The following MYRFL variants were observed in gnomAD, a reference collection of about 807,000 sequenced individuals.
MYRFL encodes myelin regulatory factor like.
MYRFL carries 88 observed loss-of-function variants against 109.4 expected under a neutral mutation model. That is an observed-to-expected ratio of 0.80 (90% CI 0.68 to 0.96). The LOEUF (loss-of-function observed/expected upper bound fraction) is 0.96. Ranked by LOEUF, MYRFL falls within the 40% of genes least tolerant of loss-of-function variation. The probability of loss-of-function intolerance (pLI) is 0.00; values close to 1 mark genes in which losing one functional copy is unlikely to be tolerated. For synonymous variants in MYRFL, 324 were observed against 320.9 expected, an observed-to-expected ratio of 1.01 and a Z score of -0.10; for missense variants, 957 against 954.9, an observed-to-expected ratio of 1.00 and a Z score of -0.03.
intron 6 of MYRFL, among the ~76,000 whole-genome samples, chr12:69,888,833 T>C (rs1268689970): frequency 1.3e-5 from 2 of 152,202 alleles, no homozygotes; most frequent in East Asian, 3.8e-4. Context: ...ATGAACAAAT[T>C]AGCAGATTAA....
intron 11 of MYRFL, chr12:69,904,123 A>G: frequency 2.9e-6 from 1 of 340,446 alleles, no homozygotes; most frequent in Non-Finnish European, 5.4e-6. Context: ...TATTTTCCAC[A>G]GGCCATTGCC....
Position 69,936,108 on chromosome 12 carries a change from G to GGTTTTA in MYRFL, c.1917-5_1917-4insGTTTTA. On this transcript the variant is annotated splice_region_variant and splice_polypyrimidine_tract_variant and intron_variant, in intron 16 of 24. Coordinates refer to ENST00000552032, the MANE Select transcript of MYRFL (RefSeq NM_182530.3). Reference sequence around the variant, plus strand: ...TTTTTTTTTTTTTTTTTTTTTTTTTGACAGTGCTTTGACGATAGTTGCCCT... The same window carrying GGTTTTA: ...TTTTTTTTTTTTTTTTTTTTTTTTTGGTTTTAACAGTGCTTTGACGATAGTTGCCCT... 3.5e-6 allele frequency: 1 copy of GGTTTTA among 286,340 alleles called. No individual in the cohort carries two copies. Among genetic ancestry groups the GGTTTTA allele is most frequent in the Non-Finnish European group, 4.8e-6 (1 of 210,502 alleles). 17.7% of individuals were successfully genotyped at this position (286,340 alleles called of 1,614,324 possible).
At chr12:69,947,391 C>A (rs1565649493) in intron 19 of MYRFL, among the ~76,000 whole-genome samples, 1 of 152,050 alleles carries the variant, frequency 6.6e-6, no homozygotes, top group Non-Finnish European at 1.5e-5. Context: ...CAAAGTTGAT[C>A]ATATCTGTGT....
At chr12:69,910,402 G>A (rs755761261) in intron 12 of MYRFL, among the ~76,000 whole-genome samples, 7 of 152,048 alleles carry the variant, frequency 4.6e-5, no homozygotes, top group Admixed American at 1.3e-4. Context: ...TTGGGCAGTC[G>A]GGAGGTGGAG....
At chr12:69,856,508 G>T (rs991127571) in intron 2 of MYRFL, among the ~76,000 whole-genome samples, 1 of 152,038 alleles carries the variant, frequency 6.6e-6, no homozygotes, top group African/African-American at 2.4e-5. Context: ...ACTTTGTGTT[G>T]TTAGCAATGC....
intron 1 of MYRFL, among the ~76,000 whole-genome samples, chr12:69,833,033 G>C (rs984835390): frequency 6.6e-5 from 10 of 151,152 alleles, no homozygotes; most frequent in Non-Finnish European, 1.5e-4. Context: ...ATCTCTTTTA[G>C]ACAACCAAGT....
rs60069243 is a variant in MYRFL, at chr12:69,878,242, C to CAAAAAAAAAAAAAAAA, written c.138-783_138-768dup. On this transcript the variant is annotated intron_variant, in intron 2 of 24. Coordinates refer to ENST00000552032, the MANE Select transcript of MYRFL (RefSeq NM_182530.3). ...TGGGTAACAGAGCAAGACTCCATCT[C>CAAAAAAAAAAAAAAAA]AAAAAAAAAAAAAAAAAATTACTTG... is the stretch of plus-strand genomic sequence containing the variant. 1.4e-3 allele frequency among the ~76,000 whole-genome samples: 154 copies of CAAAAAAAAAAAAAAAA among 112,654 alleles called. 5 individuals carry two copies. The East Asian group carries it at 0.015, about 11-fold the overall frequency. The allele number at this position is 112,654 out of a possible 152,430, so 73.9% of individuals were successfully genotyped here.
At chr12:69,872,010 T>A (rs1195830841) in intron 2 of MYRFL, among the ~76,000 whole-genome samples, 1 of 152,270 alleles carries the variant, frequency 6.6e-6, no homozygotes, top group Non-Finnish European at 1.5e-5. Context: ...TATGTGATTG[T>A]ACAATTGTCT....
chr12:69,891,594 T>TTTCTTTCTTTCTTTCTTTCTTTC (rs60178647), intron 7 of MYRFL, among the ~76,000 whole-genome samples: 3 of 137,080 alleles, frequency 2.2e-5, no homozygotes, highest in East Asian at 4.1e-4. Flanking sequence ...TCTTTCTTTC[T>TTTCTTTCTTTCTTTCTTTCTTTC]TTCTTTCTTT....
chr12:69,891,682 T>TTTCTTTCTTTCTTTCTTTCTTTCGTTCG lies in MYRFL; in HGVS notation c.903+519_903+520insTTTCTTTCTTTCTTTCTTTCGTTCGTTC, dbSNP rs1277296623. Among the ~76,000 whole-genome samples, 45 of 101,558 alleles carry TTTCTTTCTTTCTTTCTTTCTTTCGTTCG rather than the reference T, an allele frequency of 4.4e-4. No individual in the cohort carries two copies. The East Asian group carries it at 5.2e-3, about 12-fold the overall frequency. The allele number at this position is 101,558 out of a possible 152,430, so 66.6% of individuals were successfully genotyped here. A position where few individuals can be genotyped will look rare whatever the true frequency, so the allele number is the denominator to read the frequency against. ...CTTTCTTTCTTTCTTTCTTTCTTTCTTTCGTTCGTTCGTTCTTTCTTTCTT... is the reference window on the plus strand; with the variant it reads ...CTTTCTTTCTTTCTTTCTTTCTTTCTTTCTTTCTTTCTTTCTTTCTTTCGTTCGTTCGTTCGTTCGTTCTTTCTTTCTT... On this transcript the variant is annotated intron_variant, in intron 7 of 24. Transcript: ENST00000552032.
Position 69,949,667 on chromosome 12 carries a change from T to A in MYRFL, c.2225-2446T>A, listed in dbSNP as rs560413503. 1.3e-4 allele frequency among the ~76,000 whole-genome samples: 19 copies of A among 148,798 alleles called. 1 individual carries two copies. In the South Asian group the frequency reaches 3.6e-3, roughly 28 times the overall value. On this transcript the variant is annotated intron_variant, in intron 19 of 24. Transcript: ENST00000552032. ...TTTTTTTTGTAATTTTTTTTTTTTT[T>A]AGCCCTTCAGCTATCATTAGTGTTA...
chr12:69,867,260 T>C (rs1592724983), intron 2 of MYRFL, among the ~76,000 whole-genome samples: 1 of 152,120 alleles, frequency 6.6e-6, no homozygotes, highest in East Asian at 1.9e-4. Flanking sequence ...GCAATGCTGC[T>C]TTGAGAGGGG....
chr12:69,891,599 TTCTTTC>T (rs1396292621), intron 7 of MYRFL, among the ~76,000 whole-genome samples: 12 of 135,956 alleles, frequency 8.8e-5, no homozygotes, highest in African/African-American at 2.7e-4. Context: ...CTTTCTTTCT[TTCTTTC>T]TCTTTCTTTC....
At chr12:69,945,986 CAAAAAAAAAAAAAAA>C (rs56988555) in intron 19 of MYRFL, among the ~76,000 whole-genome samples, 1 of 42,328 alleles carries the variant, frequency 2.4e-5, no homozygotes, top group Non-Finnish European at 4.1e-5. Context: ...GACTCCGTCT[CAAAAAAAAAAAAAAA>C]AAAAAAAAAA....
intron 1 of MYRFL, among the ~76,000 whole-genome samples, chr12:69,844,831 G>A (rs1391825165): frequency 7.2e-5 from 11 of 152,192 alleles, no homozygotes; most frequent in African/African-American, 2.4e-4. Context: ...GCATCCCTGG[G>A]TAACTGCAGA....
chr12:69,861,598 T>A (rs574791882), intron 2 of MYRFL, among the ~76,000 whole-genome samples: 1 of 152,192 alleles, frequency 6.6e-6, no homozygotes, highest in South Asian at 2.1e-4. Flanking sequence ...TGGGGTTGTT[T>A]GTTTTTTTCT....
intron 13 of MYRFL, 46 bp downstream of exon 13, chr12:69,910,976 G>A: frequency 7.4e-7 from 1 of 1,357,776 alleles, no homozygotes; most frequent in Non-Finnish European, 1.0e-6. Context: ...TCAGTCTAGG[G>A]ATAAACCCCC....
At chr12:69,826,239 G>T (rs1882270465) in intron 1 of MYRFL, among the ~76,000 whole-genome samples, 1 of 151,940 alleles carries the variant, frequency 6.6e-6, no homozygotes, top group Non-Finnish European at 1.5e-5. Context: ...TCCAGAAATG[G>T]CAAGAAGAAA....
intron 5 of MYRFL, among the ~76,000 whole-genome samples, chr12:69,884,511 C>A (rs567229290): frequency 6.6e-6 from 1 of 152,320 alleles, no homozygotes; most frequent in African/African-American, 2.4e-5. Flanking sequence ...CCCTGTCCAC[C>A]CTCCCTGTCA....
Sources: gnomAD v4.1 joint callset for allele counts (sites outside exome capture counted in the v4.1 genomes callset) on GRCh38, gnomAD v4.1.1 for gene constraint, MANE v1.5 for transcripts, NCBI Gene and HGNC (gene_info 2026-07-23, HGNC 2026-07-21) for gene names.